The following RAPGEF3 variants were observed in gnomAD, a reference collection of about 807,000 sequenced individuals.
RAPGEF3 encodes 9330170P05Rik.
RAPGEF3 carries 103 observed loss-of-function variants against 129.8 expected under a neutral mutation model. That is an observed-to-expected ratio of 0.79 (90% CI 0.68 to 0.93). RAPGEF3 has a LOEUF of 0.93. Ranked by LOEUF, RAPGEF3 falls within the 40% of genes least tolerant of loss-of-function variation. The probability of loss-of-function intolerance (pLI) is 0.00; values close to 1 mark genes in which losing one functional copy is unlikely to be tolerated. For missense variants in RAPGEF3, 1,117 were observed against 1,207.4 expected (o/e 0.93, Z 1.11); for synonymous variants, 436 against 482.6 (o/e 0.90, Z 1.26).
At chr12:47,753,056 C>G (rs1941846977) in intron 2 of RAPGEF3, among the ~76,000 whole-genome samples, 1 of 152,212 alleles carries the variant, frequency 6.6e-6, no homozygotes, top group South Asian at 2.1e-4. Flanking sequence ...CGAGCCCTCT[C>G]AAAGGGCTCA....
Position 47,748,206 on chromosome 12 carries a change from G to C in RAPGEF3, c.1244-54C>G, listed in dbSNP as rs1226120178. The stretch of plus-strand genomic sequence containing the variant: ...AGGCTTCAGAGGCCAAGTCTGCTGA[G>C]CACAGGTGTATGGACAGCTGGAAGG... On this transcript the variant is annotated intron_variant, in intron 12 of 27. Coordinates refer to ENST00000449771, the MANE Select transcript of RAPGEF3 (RefSeq NM_001098531.4). 86 of 1,391,938 alleles carry C rather than the reference G, an allele frequency of 6.2e-5. No individual in the cohort carries two copies. In the South Asian group the frequency reaches 1.0e-3, roughly 17 times the overall value. The allele number at this position is 1,391,938 out of a possible 1,614,324, so 86.2% of individuals were successfully genotyped here. A position where few individuals can be genotyped will look rare whatever the true frequency, so the allele number is the denominator to read the frequency against.
chr12:47,744,915 T>C (rs1941345192), intron 16 of RAPGEF3: 1 of 152,312 alleles, frequency 6.6e-6, no homozygotes, highest in Admixed American at 6.5e-5. Flanking sequence ...TGCTGAACTC[T>C]CTTCCAAACC....
rs757102622 is a variant in RAPGEF3, at chr12:47,737,650, T to C, written c.2689A>G (p.Ser897Gly). The C allele has an allele frequency of 1.2e-5, 19 of 1,613,034 alleles. No individual in the cohort carries two copies. Among genetic ancestry groups the C allele is most frequent in the Admixed American group, 5.0e-5 (3 of 59,938 alleles). The change falls in exon 28 of 28, where the codon AGC (serine) becomes GGC (glycine). Residue 897 changes from serine to glycine, a missense_variant. Coordinates refer to ENST00000449771, the MANE Select transcript of RAPGEF3 (RefSeq NM_001098531.4). ...EQSLSTRSPASTWAYVQQLKV... is the reference protein window; with the variant it reads ...EQSLSTRSPAGTWAYVQQLKV... Reference sequence around the variant, plus strand: ...AGCTGCTGGACATAAGCCCAGGTGCTGGCTGGACTCCGGGTGCTCAGGGAC... The same window carrying C: ...AGCTGCTGGACATAAGCCCAGGTGCCGGCTGGACTCCGGGTGCTCAGGGAC...
Position 47,757,901 on chromosome 12 carries a change from G to T in RAPGEF3, c.184C>A (p.His62Asn), listed in dbSNP as rs1327353172. ...CCCTGGATGCAGCTCGGACGCTGGT[G>T]CTCCAGCAGCAGCTGGTAGGAGCAG... Reference protein sequence around the residue: ...RSCSYQLLLEHQRPSCIQGLR... With the variant: ...RSCSYQLLLENQRPSCIQGLR... The change falls in exon 2 of 28, where the codon CAC becomes AAC. Residue 62 changes from histidine (H) to asparagine (N), a missense_variant. By Grantham distance (68) the His-to-Asn change is moderately conservative. Around this residue, in one of 3 missense-constraint regions of RAPGEF3, gnomAD observed 367 missense variants for 373.4 expected, o/e 0.98. Transcript: ENST00000449771. 13 of 1,556,764 alleles carry T rather than the reference G, an allele frequency of 8.4e-6. No individual in the cohort carries two copies. The highest frequency in any genetic ancestry group is 1.1e-5 in the Non-Finnish European group (13 of 1,150,250).
chr12:47,740,745 G>T lies in RAPGEF3; in HGVS notation c.2128C>A (p.Arg710Ser), dbSNP rs773902126. ...TTANLERFMR[R>S]FNELQYWVAT... ...ACCCAGTACTGCAGCTCATTGAAGC[G>T]GCGCATGAAGCGCTCCAGGTTGGCG... is the stretch of plus-strand genomic sequence containing the variant. Residue 710 changes from arginine to serine, a missense_variant, in exon 21 of 28, where the codon CGC becomes AGC. By Grantham distance (110) the Arg-to-Ser change is moderately radical. Coordinates refer to ENST00000449771, the MANE Select transcript of RAPGEF3 (RefSeq NM_001098531.4). 6.2e-6 allele frequency: 10 copies of T among 1,614,070 alleles called. No homozygotes were observed. The South Asian group carries it at 1.1e-4, about 18-fold the overall frequency.
At chr12:47,741,414 C>T in intron 19 of RAPGEF3, 91 bp downstream of exon 19, 3 of 1,276,998 alleles carry the variant, frequency 2.3e-6, no homozygotes, top group Non-Finnish European at 3.4e-6. Context: ...CCCCTCCTCC[C>T]TCTTCTCCCT....
chr12:47,738,831 C>A, intron 24 of RAPGEF3, 77 bp from the exon 25 acceptor site: 2 of 1,328,926 alleles, frequency 1.5e-6, no homozygotes, highest in Non-Finnish European at 2.2e-6. Flanking sequence ...AAGGGCATAA[C>A]GGCTCCCTTG....
rs1437331939 is a variant in RAPGEF3, at chr12:47,740,993, C to A, written c.1971G>T (p.Gly657=). The A allele has an allele frequency of 6.2e-7, 1 of 1,613,242 alleles. No homozygotes were observed. Among genetic ancestry groups the A allele is most frequent in the Admixed American group, 1.7e-5 (1 of 59,940 alleles). ...QLGPTVGSAE[G]LDLVSAKDLA... ...GGTCCTTGGCACTCACCAGGTCCAG[C>A]CCCTCAGCAGAGCCCACAGTGGGCC... Residue 657 remains glycine, a synonymous_variant, in exon 20 of 28, where the codon GGG becomes GGT. Coordinates refer to ENST00000449771, the MANE Select transcript of RAPGEF3 (RefSeq NM_001098531.4).
Position 47,749,629 on chromosome 12 carries a change from C to A in RAPGEF3, c.895-93G>T. On this transcript the variant is annotated intron_variant, in intron 9 of 27. Transcript: ENST00000449771. The surrounding 1 kb of genome is among the most constrained non-coding windows in gnomAD (Gnocchi z 4.5). ...ACCCACGGCAGGAGAACAACCCACA[C>A]AGGAGACACGGGGTCAGCAGCAGTA... 1 of 1,569,584 alleles carries A rather than the reference C, an allele frequency of 6.4e-7. No homozygotes were observed. The highest frequency in any genetic ancestry group is 1.1e-5 in the South Asian group (1 of 87,442).
Position 47,747,512 on chromosome 12 carries a change from G to A in RAPGEF3, c.1556+32C>T, listed in dbSNP as rs375201367. The A allele has an allele frequency of 8.7e-6, 14 of 1,604,178 alleles. No homozygotes were observed. The African/African-American group carries it at 1.7e-4, about 20-fold the overall frequency. ...GGTCCCCATGGCACTGCCAGTTATG[G>A]AAATGACAAATTAACAGAGTCAAAG... On this transcript the variant is annotated intron_variant, in intron 15 of 27. Coordinates refer to ENST00000449771, the MANE Select transcript of RAPGEF3 (RefSeq NM_001098531.4).
rs1200021528 is a variant in RAPGEF3, at chr12:47,749,830, T to TAC, written c.818-15_818-14dup. The TAC allele has an allele frequency of 6.2e-7, 1 of 1,614,172 alleles. No homozygotes were observed. On this transcript the variant is annotated splice_polypyrimidine_tract_variant and intron_variant, in intron 8 of 27. Coordinates refer to ENST00000449771, the MANE Select transcript of RAPGEF3 (RefSeq NM_001098531.4). The surrounding 1 kb of genome is among the most constrained non-coding windows in gnomAD (Gnocchi z 4.5). ...CCCTGGCTGAACACTGACAGAAGCA[T>TAC]ACCTCAGACCGGGCCCTCCTGGCAC... is the stretch of plus-strand genomic sequence containing the variant.
chr12:47,742,137 A>G (rs1192413857), intron 18 of RAPGEF3: 3 of 152,438 alleles, frequency 2.0e-5, no homozygotes, highest in Non-Finnish European at 4.4e-5. Flanking sequence ...GAGCTCTTCT[A>G]CTTACGTTTA....
At chr12:47,739,342 C>T in intron 23 of RAPGEF3, 112 bp from the exon 24 acceptor site, 1 of 831,264 alleles carries the variant, frequency 1.2e-6, no homozygotes, top group Non-Finnish European at 2.0e-6. Flanking sequence ...GAGGCCCCAA[C>T]TCAGCCTCTC....
At chr12:47,737,765 ATCTGCCTTCTTG>A (rs1382972243) in intron 27 of RAPGEF3, 80 bp from the exon 28 acceptor site, 5 of 1,358,678 alleles carry the variant, frequency 3.7e-6, no homozygotes, top group Non-Finnish European at 4.2e-6. Context: ...GCCATATCAC[ATCTGCCTTCTTG>A]CCCTCCACCA....
At chr12:47,739,389 G>A (rs1440981704) in intron 23 of RAPGEF3, 159 bp from the exon 24 acceptor site, 6 of 718,790 alleles carry the variant, frequency 8.3e-6, no homozygotes, top group Admixed American at 6.0e-5. Flanking sequence ...TGTCACAGGC[G>A]AACACGGGGC....
At chr12:47,758,257 G>T (rs1305801582) in intron 1 of RAPGEF3, 179 bp from the exon 2 acceptor site, 2 of 1,433,024 alleles carry the variant, frequency 1.4e-6, no homozygotes, top group Non-Finnish European at 1.8e-6. Context: ...GGGCCTGCCG[G>T]TCTGGCGCAC....
In RAPGEF3 at chr12:47,740,751, T is replaced by C. The variant is rs1941106185; in HGVS notation, c.2122A>G (p.Met708Val). The change falls in exon 21 of 28, where the codon ATG (methionine) becomes GTG (valine). Residue 708 changes from methionine (M) to valine (V), a missense_variant. Met to Val is a conservative substitution (Grantham distance 21). Transcript: ENST00000449771. ...DVTTANLERFMRRFNELQYWV... is the reference protein window; with the variant it reads ...DVTTANLERFVRRFNELQYWV... The stretch of plus-strand genomic sequence containing the variant: ...TACTGCAGCTCATTGAAGCGGCGCA[T>C]GAAGCGCTCCAGGTTGGCGGTGGTG... 1.2e-6 allele frequency: 2 copies of C among 1,613,906 alleles called. No individual in the cohort carries two copies. The highest frequency in any genetic ancestry group is 1.1e-5 in the South Asian group (1 of 91,092).
At position 47,749,844 on chromosome 12, in the gene RAPGEF3, C is replaced by T. The variant is rs1425975933; in HGVS notation, c.818-27G>A. ...TGACAGAAGCATACCTCAGACCGGG[C>T]CCTCCTGGCACCTACCATTCCTTCA... On this transcript the variant is annotated intron_variant, in intron 8 of 27. Transcript: ENST00000449771. This position sits in a 1 kb window ranked among gnomAD's most constrained non-coding sequence, Gnocchi z 4.5. 3 of 1,614,054 alleles carry T rather than the reference C, an allele frequency of 1.9e-6. No homozygotes were observed. Among genetic ancestry groups the T allele is most frequent in the East Asian group, 2.2e-5 (1 of 44,890 alleles).
At position 47,748,268 on chromosome 12, in the gene RAPGEF3, C is replaced by A. The variant is rs541357576; in HGVS notation, c.1244-116G>T. 4.9e-6 allele frequency: 5 copies of A among 1,017,948 alleles called. No individual in the cohort carries two copies. In the Admixed American group the frequency reaches 8.3e-5, roughly 17 times the overall value. 63.1% of individuals were successfully genotyped at this position (1,017,948 alleles called of 1,614,324 possible). ...CATCCCACCACCTGCAAGGTCCCAG[C>A]AGTGTCCAGCCCCTGTGATAGTGCT... On this transcript the variant is annotated intron_variant, in intron 12 of 27. Transcript: ENST00000449771.
Sources: allele counts gnomAD v4.1 joint callset (sites outside exome capture counted in the v4.1 genomes callset), GRCh38; gene constraint gnomAD v4.1.1; regional missense constraint gnomAD v4.1.1; non-coding constraint Gnocchi (gnomAD v3.1); transcripts MANE v1.5; gene names NCBI Gene and HGNC (gene_info 2026-07-23, HGNC 2026-07-21).